WDR87: variants seen among roughly 807,000 people sequenced by gnomAD.
The protein encoded by WDR87 is WD repeat domain 87.
WDR87 carries 56 observed loss-of-function variants against 83.3 expected under a neutral mutation model. That is an observed-to-expected ratio of 0.67 (90% CI 0.54 to 0.84). The LOEUF is 0.84. Ranked by LOEUF, WDR87 falls within the 40% of genes least tolerant of loss-of-function variation. The pLI, the probability that WDR87 is intolerant of heterozygous loss-of-function variation, is 0.00. For synonymous variants in WDR87, 1,173 were observed against 1,250.6 expected (o/e 0.94, Z 1.31); for missense variants, 2,939 against 3,431.9 (o/e 0.86, Z 3.59).
rs954795845 is a variant in WDR87 at position 37,894,881 on chromosome 19, A to G, written c.822T>C (p.His274=). Residue 274 remains histidine, a synonymous_variant, in exon 4 of 6, where the codon CAT becomes CAC. Transcript: ENST00000447313. The part of the protein sequence containing the change: ...EIQVWSLQQG[H]PLHSFQAHQS... ...GATGGGCCTGGAAACTGTGGAGTGGATGGCCCTGCTGGAGGCTCCAAACTT... is the reference window on the plus strand; with the variant it reads ...GATGGGCCTGGAAACTGTGGAGTGGGTGGCCCTGCTGGAGGCTCCAAACTT... The G allele has an allele frequency of 1.9e-5, 30 of 1,551,556 alleles. No individual in the cohort carries two copies. The highest frequency in any genetic ancestry group is 2.6e-5 in the Non-Finnish European group (30 of 1,147,004).
chr19:37,893,829 G>C lies in WDR87; in HGVS notation c.1874C>G (p.Ser625Cys). Residue 625 changes from serine (S) to cysteine (C), a missense_variant, in exon 4 of 6, where the codon TCT becomes TGT. By Grantham distance (112) the Ser-to-Cys change is moderately radical. This residue lies in a region of WDR87 where 553 missense variants were observed against 577.9 expected (regional missense o/e 0.96). Coordinates refer to ENST00000447313, the MANE Select transcript of WDR87 (RefSeq NM_001291088.2). ...CLSLSLFVTG[S>C]ADGSVRIWDF... ...CCAGATCCGAACAGAGCCATCGGCA[G>C]AACCTGTGACAAAAAGACTCAAGGA... 2 of 1,551,766 alleles carry C rather than the reference G, an allele frequency of 1.3e-6. No homozygotes were observed. The highest frequency in any genetic ancestry group is 1.7e-6 in the Non-Finnish European group (2 of 1,147,000).
intron 1 of WDR87, among the ~76,000 whole-genome samples, chr19:37,898,997 C>T (rs1182684526): frequency 1.3e-5 from 2 of 152,124 alleles, no homozygotes; most frequent in Non-Finnish European, 1.5e-5. Flanking sequence ...GAGATTAAGG[C>T]CCATCAATGA....
At position 37,887,302 on chromosome 19, in the gene WDR87, G is replaced by A. The variant is rs182035521; in HGVS notation, c.6369C>T (p.Thr2123=). The A allele has an allele frequency of 4.9e-5, 76 of 1,551,236 alleles. No individual in the cohort carries two copies. In the Admixed American group the frequency reaches 1.5e-3, roughly 30 times the overall value. Residue 2123 remains threonine (T), a synonymous_variant, in exon 6 of 6, where the codon ACC becomes ACT. Transcript: ENST00000447313. ...NKILKALQKL[T]RDERKLTQEE... is the part of the protein sequence containing the mutation. ...CCTGTGTTAGTTTCCTTTCATCCCTGGTTAGTTTTTGAAGTGCCTTTAAGA... is the reference window on the plus strand; with the variant it reads ...CCTGTGTTAGTTTCCTTTCATCCCTAGTTAGTTTTTGAAGTGCCTTTAAGA...
In WDR87 at chr19:37,893,314, A is replaced by G; in HGVS notation, c.2389T>C (p.Trp797Arg). 1 of 1,551,744 alleles carries G rather than the reference A, an allele frequency of 6.4e-7. No homozygotes were observed. Among genetic ancestry groups the G allele is most frequent in the Non-Finnish European group, 8.7e-7 (1 of 1,146,920 alleles). ...ATCTGATAGGGGTTGAGTCCATCCCAGCTAGTCAGTTGTAGCTGGGGAGGA... is the reference window on the plus strand; with the variant it reads ...ATCTGATAGGGGTTGAGTCCATCCCGGCTAGTCAGTTGTAGCTGGGGAGGA... ...VLPPQLQLTS[W>R]DGLNPYQILR... Residue 797 changes from tryptophan (W) to arginine (R), a missense_variant, in exon 4 of 6, where the codon TGG becomes CGG. By Grantham distance (101) the Trp-to-Arg change is moderately radical. Around this residue, in one of 3 missense-constraint regions of WDR87, gnomAD observed 2,160 missense variants for 2,533.1 expected, o/e 0.85. Coordinates refer to ENST00000447313, the MANE Select transcript of WDR87 (RefSeq NM_001291088.2).
rs2046170287 is a variant in WDR87, at chr19:37,888,352, T to C, written c.5319A>G (p.Glu1773=). 1.3e-6 allele frequency: 2 copies of C among 1,551,912 alleles called. No individual in the cohort carries two copies. The highest frequency in any genetic ancestry group is 1.7e-6 in the Non-Finnish European group (2 of 1,147,050). ...CCAGTTTCCCCTCTTCCTGATTCAGTTCCTCTTCTTTCCAAGACAGTTCTT... is the reference window on the plus strand; with the variant it reads ...CCAGTTTCCCCTCTTCCTGATTCAGCTCCTCTTCTTTCCAAGACAGTTCTT... ...DMEELSWKEE[E]LNQEEGKLVE... The change falls in exon 6 of 6, where the codon GAA becomes GAG. Residue 1773 remains glutamate, a synonymous_variant. Transcript: ENST00000447313.
Position 37,886,788 on chromosome 19 carries a change from C to A in WDR87, c.6883G>T (p.Glu2295Ter), listed in dbSNP as rs1254135067. Residue 2295 changes from glutamate (E) to a stop codon, truncating the protein, a stop_gained, in exon 6 of 6, where the codon GAA becomes TAA. Transcript: ENST00000447313. LOFTEE classifies it low-confidence loss of function (END_TRUNC). Reference sequence around the variant, plus strand: ...TCCCTTTCCTCCTCCTCCTCCCTTTCCTCTTCTTCCTCCCTTTCCTCCTCC... The same window carrying A: ...TCCCTTTCCTCCTCCTCCTCCCTTTACTCTTCTTCCTCCCTTTCCTCCTCC... ...EEEEEREEEE[E>*]REEEEEREEE... The A allele has an allele frequency of 6.5e-7, 1 of 1,543,202 alleles. No individual in the cohort carries two copies. Among genetic ancestry groups the A allele is most frequent in the South Asian group, 1.2e-5 (1 of 83,380 alleles).
chr19:37,893,634 C>G lies in WDR87; in HGVS notation c.2069G>C (p.Ser690Thr). Reference protein sequence around the residue: ...PALLTRLSFMSISDEVLEVPK... With the variant: ...PALLTRLSFMTISDEVLEVPK... ...GACTTCCAGTACTTCATCTGATATGCTCATAAAGGAAAGGCGAGTCAGCAG... is the reference window on the plus strand; with the variant it reads ...GACTTCCAGTACTTCATCTGATATGGTCATAAAGGAAAGGCGAGTCAGCAG... Residue 690 changes from serine (S) to threonine (T), a missense_variant, in exon 4 of 6, where the codon AGC becomes ACC. Transcript: ENST00000447313. 1 of 1,552,106 alleles carries G rather than the reference C, an allele frequency of 6.4e-7. No individual in the cohort carries two copies. The highest frequency in any genetic ancestry group is 8.7e-7 in the Non-Finnish European group (1 of 1,147,088).
At position 37,893,159 on chromosome 19, in the gene WDR87, T is replaced by A; in HGVS notation, c.2544A>T (p.Ala848=). ...TGTCCCATTCCAGCTCCCGCTGGGG[T>A]GCATGCAGGTTGCACTGTAGGTATA... The part of the protein sequence containing the change: ...TPIYLQCNLH[A]PQRELEWDRS... Residue 848 remains alanine (A), a synonymous_variant, in exon 4 of 6, where the codon GCA becomes GCT. Transcript: ENST00000447313. 1 of 1,551,802 alleles carries A rather than the reference T, an allele frequency of 6.4e-7. No homozygotes were observed. Among genetic ancestry groups the A allele is most frequent in the Non-Finnish European group, 8.7e-7 (1 of 1,147,022 alleles).
chr19:37,898,113 A>T, intron 2 of WDR87, 52 bp downstream of exon 2: 2 of 1,546,126 alleles, frequency 1.3e-6, no homozygotes, highest in East Asian at 2.5e-5. Flanking sequence ...TCATGACTGT[A>T]AGACAGGTAG....
At position 37,894,760 on chromosome 19, in the gene WDR87, C is replaced by G. The variant is rs1393788077; in HGVS notation, c.943G>C (p.Gly315Arg). 64 of 1,551,614 alleles carry G rather than the reference C, an allele frequency of 4.1e-5. No individual in the cohort carries two copies. The East Asian group carries it at 1.5e-3, about 37-fold the overall frequency. ...SLIKEWNLTS[G>R]SLLRRLELGE... ...AGCTCTAGCCGCCGAAGCAGGCTCC[C>G]TGAAGTCAGGTTCCACTCCTTGATT... The change falls in exon 4 of 6, where the codon GGG becomes CGG. Residue 315 changes from glycine to arginine, a missense_variant. Transcript: ENST00000447313.
rs953370 is a variant in WDR87, at chr19:37,891,688, C to T, written c.3258G>A (p.Pro1086=). The change falls in exon 5 of 6, where the codon CCG becomes CCA. Residue 1086 remains proline (P), a synonymous_variant. Transcript: ENST00000447313. ...GCATTGAGACATCTAAAGAAAAAGCCGGCTTTTCATCTCTATGTGACAGGG... is the reference window on the plus strand; with the variant it reads ...GCATTGAGACATCTAAAGAAAAAGCTGGCTTTTCATCTCTATGTGACAGGG... The part of the protein sequence containing the change: ...NLTLSHRDEK[P]AFSLDVSMPS... The T allele has an allele frequency of 0.44, 689,506 of 1,551,522 alleles. 163,237 individuals carry two copies. Among genetic ancestry groups the T allele is most frequent in the East Asian group, 0.86 (35,241 of 40,898 alleles).
At chr19:37,901,362 C>A (rs1053893999) in intron 1 of WDR87, among the ~76,000 whole-genome samples, 1 of 152,018 alleles carries the variant, frequency 6.6e-6, no homozygotes, top group African/African-American at 2.4e-5. Flanking sequence ...ACCCAGGAGG[C>A]GGAAGTTGCA....
rs1568452771 is a variant in WDR87, at chr19:37,892,784, G to GT, written c.2918dup (p.Asn973LysfsTer35). The GT allele has an allele frequency of 1.9e-6, 3 of 1,551,594 alleles. No individual in the cohort carries two copies. The African/African-American group carries it at 4.1e-5, about 21-fold the overall frequency. On this transcript the variant is annotated frameshift_variant, in exon 4 of 6. Transcript: ENST00000447313. LOFTEE classifies it high-confidence loss of function. Reference sequence around the variant, plus strand: ...CCCAAGCTAGTTCTCGGATCAGCGGGTTGGAATTGGTTGTATCATTCAGTA... The same window carrying GT: ...CCCAAGCTAGTTCTCGGATCAGCGGGTTTGGAATTGGTTGTATCATTCAGTA...
At position 37,893,767 on chromosome 19, in the gene WDR87, A is replaced by G. The variant is rs768980931; in HGVS notation, c.1936T>C (p.Ser646Pro). 7 of 1,551,674 alleles carry G rather than the reference A, an allele frequency of 4.5e-6. No homozygotes were observed. The highest frequency in any genetic ancestry group is 3.3e-4 in the Middle Eastern group (2 of 5,992). The change falls in exon 4 of 6, where the codon TCA (serine) becomes CCA (proline). Residue 646 changes from serine to proline, a missense_variant. Around this residue, in one of 3 missense-constraint regions of WDR87, gnomAD observed 553 missense variants for 577.9 expected, o/e 0.96. Transcript: ENST00000447313. ...HGRLIGILDS[S>P]LHFGPVCFAN... ...AAACAGACTGGGCCAAAGTGCAGTG[A>G]TGAGTCCAGAATGCCTATGAGTCTG...
At chr19:37,906,148 G>C (rs942755973) in intron 1 of WDR87, among the ~76,000 whole-genome samples, 4 of 152,122 alleles carry the variant, frequency 2.6e-5, no homozygotes, top group Non-Finnish European at 5.9e-5. Flanking sequence ...CAATTCCCTC[G>C]GTAACTCTTA....
Position 37,893,978 on chromosome 19 carries a change from C to T in WDR87, c.1725G>A (p.Glu575=), listed in dbSNP as rs1295059295. The T allele has an allele frequency of 5.8e-6, 9 of 1,551,668 alleles. No individual in the cohort carries two copies. Among genetic ancestry groups the T allele is most frequent in the Non-Finnish European group, 7.8e-6 (9 of 1,147,032 alleles). Residue 575 remains glutamate, a synonymous_variant, in exon 4 of 6, where the codon GAG becomes GAA. Coordinates refer to ENST00000447313, the MANE Select transcript of WDR87 (RefSeq NM_001291088.2). ...ACTTCCAGAGACGCAGGCAGTTTGTCTCTGTGATGGCACCCACAGACTTGG... is the reference window on the plus strand; with the variant it reads ...ACTTCCAGAGACGCAGGCAGTTTGTTTCTGTGATGGCACCCACAGACTTGG... ...LLPKSVGAIT[E]TNCLRLWKFH... is the part of the protein sequence containing the mutation.
rs2046159251 is a variant in WDR87 at position 37,887,450 on chromosome 19, T to A, written c.6221A>T (p.Lys2074Ile). The change falls in exon 6 of 6, where the codon AAA becomes ATA. Residue 2074 changes from lysine to isoleucine, a missense_variant. By Grantham distance (102) the Lys-to-Ile change is moderately radical. This residue lies in a region of WDR87 where 2,160 missense variants were observed against 2,533.1 expected (regional missense o/e 0.85). Coordinates refer to ENST00000447313, the MANE Select transcript of WDR87 (RefSeq NM_001291088.2). ...AMEESEIAKG[K>I]LEFTRGQRIF... Reference sequence around the variant, plus strand: ...TCTCTGTCCTCTAGTAAATTCCAGTTTTCCTTTGGCAATTTCGCTTTCCTC... The same window carrying A: ...TCTCTGTCCTCTAGTAAATTCCAGTATTCCTTTGGCAATTTCGCTTTCCTC... 1.9e-6 allele frequency: 3 copies of A among 1,551,548 alleles called. No individual in the cohort carries two copies. Among genetic ancestry groups the A allele is most frequent in the Non-Finnish European group, 1.7e-6 (2 of 1,146,958 alleles).
Position 37,894,077 on chromosome 19 carries a change from A to G in WDR87, c.1626T>C (p.Asp542=). 1.3e-6 allele frequency: 2 copies of G among 1,552,268 alleles called. No individual in the cohort carries two copies. The highest frequency in any genetic ancestry group is 8.7e-7 in the Non-Finnish European group (1 of 1,147,132). Residue 542 remains aspartate, a synonymous_variant, in exon 4 of 6, where the codon GAT becomes GAC. Coordinates refer to ENST00000447313, the MANE Select transcript of WDR87 (RefSeq NM_001291088.2). The part of the protein sequence containing the change: ...DYVHLSEAVL[D]GVKVQLRPLA... The stretch of plus-strand genomic sequence containing the variant: ...GAGGCCGCAGTTGTACTTTGACCCC[A>G]TCAAGCACAGCTTCTGACAGGTGCA...
chr19:37,893,566 T>C lies in WDR87; in HGVS notation c.2137A>G (p.Met713Val), dbSNP rs2046226498. The C allele has an allele frequency of 1.9e-6, 3 of 1,551,700 alleles. No individual in the cohort carries two copies. Among genetic ancestry groups the C allele is most frequent in the Non-Finnish European group, 2.6e-6 (3 of 1,147,050 alleles). Reference sequence around the variant, plus strand: ...GGGTAGATGTACTTGGGCACAAACATGGTCTCAAAGGAGAAGAAGAAGCTT... The same window carrying C: ...GGGTAGATGTACTTGGGCACAAACACGGTCTCAAAGGAGAAGAAGAAGCTT... ...IPSFFFSFETMFVPKYIYPGQ... is the reference protein window; with the variant it reads ...IPSFFFSFETVFVPKYIYPGQ... The change falls in exon 4 of 6, where the codon ATG becomes GTG. Residue 713 changes from methionine to valine, a missense_variant. This residue lies in a region of WDR87 where 553 missense variants were observed against 577.9 expected (regional missense o/e 0.96). Transcript: ENST00000447313.
Sources: allele counts gnomAD v4.1 joint callset (sites outside exome capture counted in the v4.1 genomes callset), GRCh38; gene constraint gnomAD v4.1.1; regional missense constraint gnomAD v4.1.1; transcripts MANE v1.5; gene names NCBI Gene and HGNC (gene_info 2026-07-23, HGNC 2026-07-21).